The following DPP10 variants were observed in gnomAD, a reference collection of about 807,000 sequenced individuals.
DPP10 encodes dipeptidyl peptidase like 10.
A neutral mutation model predicts 120.9 loss-of-function variants in DPP10; 33 were observed. The ratio of observed to expected loss-of-function variants is 0.27; its 90% CI spans 0.21 to 0.37. The LOEUF (loss-of-function observed/expected upper bound fraction) is 0.37, where lower values mean the gene tolerates loss of function less well. Ranked by LOEUF, DPP10 falls within the 10% of genes least tolerant of loss-of-function variation. DPP10 has a pLI of 1.00. For missense variants in DPP10, 816 were observed against 942.8 expected, an observed-to-expected ratio of 0.87 and a Z score of 1.76; for synonymous variants, 337 against 326.1, an observed-to-expected ratio of 1.03 and a Z score of -0.36.
intron 1 of DPP10, among the ~76,000 whole-genome samples, chr2:115,203,431 A>T (rs1186432980): frequency 6.6e-6 from 1 of 151,968 alleles, no homozygotes; most frequent in African/African-American, 2.4e-5. Context: ...TTCTTTTTTA[A>T]TTTTTTCTAT....
In DPP10 at chr2:115,413,094, C is replaced by T. The variant is rs147091472; in HGVS notation, c.271+69182C>T. Among the ~76,000 whole-genome samples, 49 of 152,148 alleles carry T rather than the reference C, an allele frequency of 3.2e-4. No individual in the cohort carries two copies. The East Asian group carries it at 6.6e-3, about 20-fold the overall frequency. On this transcript the variant is annotated intron_variant, in intron 3 of 25. Transcript: ENST00000410059. Reference sequence around the variant, plus strand: ...GGATTTGGGATTCTTGACCTAAGGACCACCCAGCACCATGCCCCTGAGACC... The same window carrying T: ...GGATTTGGGATTCTTGACCTAAGGATCACCCAGCACCATGCCCCTGAGACC...
chr2:114,722,531 C>T (rs1294227561), intron 1 of DPP10, among the ~76,000 whole-genome samples: 3 of 151,986 alleles, frequency 2.0e-5, no homozygotes, highest in Non-Finnish European at 4.4e-5. Context: ...AATCCCAGCA[C>T]TTTGGGAGGC....
chr2:115,088,244 A>C (rs1708891047), intron 1 of DPP10, among the ~76,000 whole-genome samples: 1 of 152,078 alleles, frequency 6.6e-6, no homozygotes, highest in Admixed American at 6.5e-5. Context: ...CCATATATAA[A>C]TTGTTAAGGG....
chr2:115,180,004 A>C (rs2053969923), intron 1 of DPP10, among the ~76,000 whole-genome samples: 1 of 151,960 alleles, frequency 6.6e-6, no homozygotes, highest in Non-Finnish European at 1.5e-5. Context: ...AAAAATTTTA[A>C]AGAAAAATCA....
chr2:115,646,017 A>T (rs1242725967), intron 5 of DPP10, among the ~76,000 whole-genome samples: 1 of 152,136 alleles, frequency 6.6e-6, no homozygotes, highest in East Asian at 1.9e-4. Context: ...GACTGACATA[A>T]TCCTGACTGA....
At chr2:114,762,320 C>T (rs1159890070) in intron 1 of DPP10, among the ~76,000 whole-genome samples, 2 of 152,174 alleles carry the variant, frequency 1.3e-5, no homozygotes, top group Admixed American at 1.3e-4. Context: ...TCCTATCTAA[C>T]CTCTAAAAGA....
intron 1 of DPP10, among the ~76,000 whole-genome samples, chr2:114,791,215 GA>G (rs1304952757): frequency 6.6e-6 from 1 of 152,228 alleles, no homozygotes; most frequent in East Asian, 1.9e-4. Flanking sequence ...GAGAAGCCAG[GA>G]TCAAATACAG....
intron 1 of DPP10, among the ~76,000 whole-genome samples, chr2:114,698,028 C>T (rs1206455658): frequency 1.3e-5 from 2 of 152,052 alleles, no homozygotes; most frequent in South Asian, 2.1e-4. Context: ...GAAATGTCCT[C>T]TTCTATGCAG....
chr2:114,724,099 A>T (rs1701886841), intron 1 of DPP10, among the ~76,000 whole-genome samples: 1 of 152,226 alleles, frequency 6.6e-6, no homozygotes, highest in Admixed American at 6.5e-5. Flanking sequence ...CAAATGAGAA[A>T]AGAGAAGAAA....
At chr2:115,221,598 A>G (rs1214377715) in intron 1 of DPP10, among the ~76,000 whole-genome samples, 1 of 152,120 alleles carries the variant, frequency 6.6e-6, no homozygotes, top group Non-Finnish European at 1.5e-5. Flanking sequence ...AGAGTATTTT[A>G]TGGGACTTGT....
At chr2:115,653,810 T>G (rs1402559559) in intron 5 of DPP10, among the ~76,000 whole-genome samples, 3 of 151,936 alleles carry the variant, frequency 2.0e-5, no homozygotes, top group African/African-American at 7.2e-5. Context: ...TATTAGTTAT[T>G]TTGGCCAATC....
At chr2:115,456,877 G>T (rs1012087151) in intron 3 of DPP10, among the ~76,000 whole-genome samples, 1 of 151,988 alleles carries the variant, frequency 6.6e-6, no homozygotes, top group East Asian at 1.9e-4. Flanking sequence ...TAAATGATGG[G>T]TTGATGGGTG....
intron 2 of DPP10, among the ~76,000 whole-genome samples, chr2:115,337,230 G>A (rs1039838132): frequency 4.6e-5 from 7 of 151,916 alleles, no homozygotes; most frequent in African/African-American, 1.7e-4. Context: ...ATCTTCCTGG[G>A]CAAGTTGAGG....
intron 1 of DPP10, among the ~76,000 whole-genome samples, chr2:114,660,284 T>C (rs1412318169): frequency 6.6e-6 from 1 of 152,206 alleles, no homozygotes; most frequent in Non-Finnish European, 1.5e-5. Context: ...ATATATTAGC[T>C]GGAAAAAAAA....
At chr2:114,488,548 G>A (rs542659747) in intron 1 of DPP10, among the ~76,000 whole-genome samples, 2 of 152,312 alleles carry the variant, frequency 1.3e-5, no homozygotes, top group African/African-American at 2.4e-5. Flanking sequence ...GTAAGCAGCT[G>A]TTCTAATTAC....
intron 1 of DPP10, among the ~76,000 whole-genome samples, chr2:114,658,837 G>A (rs573624631): frequency 1.3e-5 from 2 of 152,228 alleles, no homozygotes; most frequent in Admixed American, 6.5e-5. Flanking sequence ...CATTTAGACT[G>A]TGCTATGGTT....
At chr2:114,663,248 A>AGC (rs1697574882) in intron 1 of DPP10, among the ~76,000 whole-genome samples, 1 of 147,324 alleles carries the variant, frequency 6.8e-6, no homozygotes, top group African/African-American at 2.5e-5. Flanking sequence ...GTGTGTGTAT[A>AGC]TATATATATA....
chr2:115,606,292 ATATGTTCTTTCGCTTTTTT>A (rs2083700847), intron 5 of DPP10, among the ~76,000 whole-genome samples: 1 of 152,166 alleles, frequency 6.6e-6, no homozygotes, highest in Admixed American at 6.5e-5. Flanking sequence ...TTATTTCTCA[ATATGTTCTTTCGCTTTTTT>A]TAAATGAAAT....
At chr2:114,812,441 A>C (rs1485208881) in intron 1 of DPP10, among the ~76,000 whole-genome samples, 1 of 152,008 alleles carries the variant, frequency 6.6e-6, no homozygotes, top group Non-Finnish European at 1.5e-5. Context: ...TTTAAAAACT[A>C]GCTGGGCATG....
Sources: gnomAD v4.1 joint callset for allele counts (sites outside exome capture counted in the v4.1 genomes callset) on GRCh38, gnomAD v4.1.1 for gene constraint, MANE v1.5 for transcripts, NCBI Gene and HGNC (gene_info 2026-07-23, HGNC 2026-07-21) for gene names.